GALNT13: variants seen among roughly 807,000 people sequenced by gnomAD.
The protein encoded by GALNT13 is UDP-GalNAc:polypeptide N-acetylgalactosaminyltransferase 13.
Under a neutral mutation model 64.2 loss-of-function variants are expected in GALNT13, and 28 were observed. That is an observed-to-expected ratio of 0.44 (90% CI 0.32 to 0.60). The LOEUF (loss-of-function observed/expected upper bound fraction) is 0.60, where lower values mean the gene tolerates loss of function less well. Among genes scored for constraint, GALNT13 ranks in the 20% least tolerant of loss-of-function variants. The probability of loss-of-function intolerance (pLI) is 0.05; values close to 1 mark genes in which losing one functional copy is unlikely to be tolerated. For missense variants in GALNT13, 577 were observed against 669.8 expected, an observed-to-expected ratio of 0.86 and a Z score of 1.53; for synonymous variants, 214 against 224.6, an observed-to-expected ratio of 0.95 and a Z score of 0.42.
chr2:153,598,431 A>G, the GALNT13 span, among the ~76,000 whole-genome samples: 1 of 152,210 alleles, frequency 6.6e-6, no homozygotes, highest in Non-Finnish European at 1.5e-5. Flanking sequence ...TTCTTCAATT[A>G]TCATCCTATC....
chr2:154,386,939 A>G (rs965641504), intron 9 of GALNT13, among the ~76,000 whole-genome samples: 1 of 152,094 alleles, frequency 6.6e-6, no homozygotes, highest in African/African-American at 2.4e-5. Context: ...AATAAATTGA[A>G]AGTTGTCTGA....
chr2:153,738,655 C>T, the GALNT13 span, among the ~76,000 whole-genome samples: 3 of 151,870 alleles, frequency 2.0e-5, no homozygotes, highest in Non-Finnish European at 4.4e-5. Flanking sequence ...ATGATATCTA[C>T]ACAACTTCCT....
chr2:153,607,181 G>A, the GALNT13 span, among the ~76,000 whole-genome samples: 5 of 151,744 alleles, frequency 3.3e-5, no homozygotes, highest in African/African-American at 7.3e-5. Context: ...TTGATACATC[G>A]TATGTAGATG....
intron 3 of GALNT13, among the ~76,000 whole-genome samples, chr2:154,019,004 G>A (rs1442394874): frequency 6.6e-6 from 1 of 152,140 alleles, no homozygotes; most frequent in East Asian, 1.9e-4. Context: ...GAGATTGACT[G>A]TAGTAAAGAG....
the GALNT13 span, chr2:153,421,449 A>C: frequency 1.3e-5 from 3 of 222,224 alleles, no homozygotes; most frequent in African/African-American, 6.9e-5. Flanking sequence ...GTAGAGCTCA[A>C]CCGCAGCTGT....
intron 9 of GALNT13, among the ~76,000 whole-genome samples, chr2:154,352,025 A>C (rs1465815597): frequency 1.3e-5 from 2 of 152,166 alleles, no homozygotes; most frequent in African/African-American, 4.8e-5. Context: ...TTTTTCATTC[A>C]TACTTTTTCA....
the GALNT13 span, among the ~76,000 whole-genome samples, chr2:153,068,369 C>T: frequency 6.6e-6 from 1 of 152,090 alleles, no homozygotes; most frequent in African/African-American, 2.4e-5. Context: ...TCGGTAAGGC[C>T]AAGGCTTCAA....
the GALNT13 span, among the ~76,000 whole-genome samples, chr2:153,866,401 C>T: frequency 6.6e-6 from 1 of 152,098 alleles, no homozygotes; most frequent in African/African-American, 2.4e-5. Flanking sequence ...TTACAACAAC[C>T]ACCTCCCTTT....
the GALNT13 span, among the ~76,000 whole-genome samples, chr2:153,075,261 A>C: frequency 6.6e-6 from 1 of 152,172 alleles, no homozygotes; most frequent in Non-Finnish European, 1.5e-5. Flanking sequence ...ATTGTTAGTT[A>C]CAACTGGGTT....
the GALNT13 span, among the ~76,000 whole-genome samples, chr2:153,608,288 A>G: frequency 2.6e-5 from 4 of 152,174 alleles, no homozygotes; most frequent in Non-Finnish European, 4.4e-5. Flanking sequence ...AGGGCTTAAT[A>G]TAAATCGTGA....
intron 8 of GALNT13, among the ~76,000 whole-genome samples, chr2:154,285,473 A>C (rs1481282007): frequency 6.6e-6 from 1 of 152,174 alleles, no homozygotes; most frequent in Non-Finnish European, 1.5e-5. Context: ...TATTAAAGAC[A>C]TTCTCTTTCC....
At chr2:153,513,212 C>T in the GALNT13 span, among the ~76,000 whole-genome samples, 2 of 152,084 alleles carry the variant, frequency 1.3e-5, no homozygotes, top group Admixed American at 1.3e-4. Context: ...TCGTAGACAA[C>T]TTATTCATCG....
intron 4 of GALNT13, among the ~76,000 whole-genome samples, chr2:154,233,125 C>T (rs547247282): frequency 8.7e-5 from 13 of 150,120 alleles, no homozygotes; most frequent in South Asian, 2.1e-4. Context: ...TTTCTGTTAA[C>T]GCCACAAAAG....
chr2:154,439,443 A>C (rs191045555), intron 12 of GALNT13, among the ~76,000 whole-genome samples: 2 of 151,940 alleles, frequency 1.3e-5, no homozygotes, highest in South Asian at 2.1e-4. Context: ...TGATTAACAA[A>C]ATGAATTGGT....
At chr2:154,383,512 T>A (rs1207934146) in intron 9 of GALNT13, among the ~76,000 whole-genome samples, 1 of 152,016 alleles carries the variant, frequency 6.6e-6, no homozygotes, top group Non-Finnish European at 1.5e-5. Context: ...TAATCTCAGA[T>A]GCTCCTTGAG....
chr2:153,494,025 A>G, the GALNT13 span, among the ~76,000 whole-genome samples: 1 of 152,008 alleles, frequency 6.6e-6, no homozygotes, highest in Non-Finnish European at 1.5e-5. Flanking sequence ...AAAAGCAACA[A>G]ATACATTTTT....
At chr2:153,710,706 TCC>T in the GALNT13 span, among the ~76,000 whole-genome samples, 1 of 152,108 alleles carries the variant, frequency 6.6e-6, no homozygotes, top group African/African-American at 2.4e-5. Flanking sequence ...GCTTGTTTCC[TCC>T]ATATGCTGTT....
the GALNT13 span, among the ~76,000 whole-genome samples, chr2:153,300,783 G>A: frequency 6.6e-6 from 1 of 152,274 alleles, no homozygotes; most frequent in Non-Finnish European, 1.5e-5. Flanking sequence ...GATGAATGAC[G>A]TGTATTGGTA....
the GALNT13 span, among the ~76,000 whole-genome samples, chr2:153,152,810 G>A: frequency 6.6e-6 from 1 of 152,134 alleles, no homozygotes; most frequent in African/African-American, 2.4e-5. Flanking sequence ...GTCTATCACT[G>A]ATGGACATTT....
Sources: allele counts gnomAD v4.1 joint callset (sites outside exome capture counted in the v4.1 genomes callset), GRCh38; gene constraint gnomAD v4.1.1; transcripts MANE v1.5; gene names NCBI Gene and HGNC (gene_info 2026-07-23, HGNC 2026-07-21).